CANX: variants seen among roughly 807,000 people sequenced by gnomAD.
CANX encodes calnexin, also known as epididymis secretory sperm binding protein.
Under a neutral mutation model 75.7 loss-of-function variants are expected in CANX, and 14 were observed. The observed-to-expected ratio is 0.19, with a 90% confidence interval of 0.12 to 0.29. CANX has a LOEUF of 0.29. Among genes scored for constraint, CANX ranks in the 10% least tolerant of loss-of-function variants. The pLI, the probability that CANX is intolerant of heterozygous loss-of-function variation, is 1.00. For synonymous variants in CANX, 227 were observed against 236.9 expected (o/e 0.96, Z 0.38); for missense variants, 567 against 713.2 (o/e 0.79, Z 2.34).
chr5:179,710,122 A>C lies in CANX; in HGVS notation c.721+57A>C, dbSNP rs965012264. On this transcript the variant is annotated intron_variant, in intron 7 of 14. Coordinates refer to ENST00000247461, the MANE Select transcript of CANX (RefSeq NM_001746.4). ...GTATTACATATATATCATCCATTTA[A>C]TTTAAAGATTGTATATCTGGCCGGG... The C allele has an allele frequency of 6.2e-5, 67 of 1,088,678 alleles. No individual in the cohort carries two copies. The Middle Eastern group carries it at 1.2e-3, about 19-fold the overall frequency. The allele number at this position is 1,088,678 out of a possible 1,614,324, so 67.4% of individuals were successfully genotyped here.
chr5:179,678,750 CTA>C (rs1227027095), exon 1 of CANX: 2 of 1,537,098 alleles, frequency 1.3e-6, no homozygotes, highest in Non-Finnish European at 1.7e-6. Context: ...GTCAGCATGT[CTA>C]TGAGCAGTTC....
In CANX at chr5:179,716,278, G is replaced by C. The variant is rs766441669; in HGVS notation, c.895G>C (p.Val299Leu). ...ERPKIPDPEA[V>L]KPDDWDEDAP... ...ACCAAAAATCCCAGATCCAGAAGCTGTCAAGCCAGATGACTGGTGAGTCTT... is the reference window on the plus strand; with the variant it reads ...ACCAAAAATCCCAGATCCAGAAGCTCTCAAGCCAGATGACTGGTGAGTCTT... Residue 299 changes from valine (V) to leucine (L), a missense_variant, in exon 8 of 15, where the codon GTC becomes CTC. Physicochemically the swap from Val to Leu is conservative, Grantham distance 32. Coordinates refer to ENST00000247461, the MANE Select transcript of CANX (RefSeq NM_001746.4). 6.2e-7 allele frequency: 1 copy of C among 1,613,960 alleles called. No homozygotes were observed. The highest frequency in any genetic ancestry group is 8.5e-7 in the Non-Finnish European group (1 of 1,179,888).
intron 5 of CANX, 66 bp downstream of exon 5, chr5:179,708,446 T>C: frequency 7.0e-7 from 1 of 1,419,236 alleles, no homozygotes. Context: ...ATTATGTAAC[T>C]TTTACTCTAT....
intron 1 of CANX, among the ~76,000 whole-genome samples, chr5:179,679,856 A>G (rs1370883761): frequency 5.4e-5 from 8 of 147,476 alleles, no homozygotes; most frequent in Non-Finnish European, 1.2e-4. Flanking sequence ...ACGGGGTTTC[A>G]CCATGTTGGC....
intron 1 of CANX, among the ~76,000 whole-genome samples, chr5:179,702,791 C>T (rs1298157003): frequency 6.6e-6 from 1 of 152,030 alleles, no homozygotes; most frequent in Non-Finnish European, 1.5e-5. Flanking sequence ...TTTTTTGAGA[C>T]AGTCTCACTC....
chr5:179,709,690 TTTTAAA>T (rs1777395073), intron 6 of CANX, 177 bp from the exon 7 acceptor site: 3 of 473,768 alleles, frequency 6.3e-6, no homozygotes, highest in Admixed American at 7.8e-5. Context: ...TTAAACGTTA[TTTTAAA>T]TTTACTGATG....
chr5:179,702,245 C>T (rs559465262), intron 1 of CANX, among the ~76,000 whole-genome samples: 16 of 151,280 alleles, frequency 1.1e-4, no homozygotes, highest in Non-Finnish European at 2.2e-4. Flanking sequence ...ATAGATACTT[C>T]GCTTTGTTGC....
At chr5:179,704,956 T>A in intron 1 of CANX, among the ~76,000 whole-genome samples, 1 of 152,174 alleles carries the variant, frequency 6.6e-6, no homozygotes, top group South Asian at 2.1e-4. Context: ...AGCAACCGTA[T>A]CCATATTAAG....
intron 4 of CANX, among the ~76,000 whole-genome samples, chr5:179,707,571 G>A (rs1581854101): frequency 4.5e-5 from 6 of 132,996 alleles, no homozygotes; most frequent in Admixed American, 2.5e-4. Flanking sequence ...GTGACAGAGC[G>A]AGACTCCGTC....
At chr5:179,684,407 T>C (rs553282751) in intron 1 of CANX, among the ~76,000 whole-genome samples, 1,956 of 150,418 alleles carry the variant, frequency 0.013, 33 homozygotes, top group African/African-American at 0.043. Context: ...TTTTTTTTTT[T>C]CAGCTCACTG....
upstream of CANX, chr5:179,698,456 G>C: frequency 7.8e-7 from 1 of 1,288,838 alleles, no homozygotes; most frequent in Non-Finnish European, 1.0e-6. Context: ...GCTGGGTTCT[G>C]CTCACGCCCG....
chr5:179,697,893 A>C (rs757890942), upstream of CANX, among the ~76,000 whole-genome samples: 1 of 152,136 alleles, frequency 6.6e-6, no homozygotes, highest in Non-Finnish European at 1.5e-5. Context: ...GTCTCAAAAA[A>C]ATAAAAATAA....
chr5:179,710,480 G>A (rs1052817636), intron 7 of CANX, among the ~76,000 whole-genome samples: 12 of 150,790 alleles, frequency 8.0e-5, no homozygotes, highest in Admixed American at 2.7e-4. Flanking sequence ...GGCCGAGGCG[G>A]GTGGATCACA....
At chr5:179,723,065 C>T (rs1171133218) in intron 11 of CANX, 46 bp downstream of exon 11, 2 of 1,517,412 alleles carry the variant, frequency 1.3e-6, no homozygotes, top group Non-Finnish European at 1.8e-6. Flanking sequence ...TTGTAAGGAG[C>T]TGTTATTTTG....
At chr5:179,692,426 G>A (rs1776314585) in intron 1 of CANX, among the ~76,000 whole-genome samples, 1 of 152,084 alleles carries the variant, frequency 6.6e-6, no homozygotes, top group Admixed American at 6.6e-5. Context: ...GCTCTTAAAG[G>A]TCTGGGAGCA....
upstream of CANX, among the ~76,000 whole-genome samples, chr5:179,696,990 G>C (rs1458639098): frequency 3.3e-5 from 5 of 152,170 alleles, no homozygotes; most frequent in East Asian, 9.6e-4. Context: ...TGGTGATCCA[G>C]GTTGATGTTA....
chr5:179,719,853 ACT>A (rs1778194695), intron 9 of CANX, 72 bp downstream of exon 9: 3 of 804,736 alleles, frequency 3.7e-6, no homozygotes, highest in Non-Finnish European at 4.1e-6. Context: ...ATGGAGTCTC[ACT>A]CTGTCTCCCA....
At chr5:179,715,824 G>GT (rs1204093584) in intron 7 of CANX, 42,047 of 343,552 alleles carry the variant, frequency 0.12, 1 homozygote, top group South Asian at 0.2. Context: ...TGTTTTTTTT[G>GT]TTTTTTTTTT....
At chr5:179,692,616 C>T (rs1776317594) in intron 1 of CANX, among the ~76,000 whole-genome samples, 1 of 152,106 alleles carries the variant, frequency 6.6e-6, no homozygotes, top group Non-Finnish European at 1.5e-5. Context: ...CAGCCTCAAC[C>T]TCCTGGGCTG....
Sources: gnomAD v4.1 joint callset for allele counts (sites outside exome capture counted in the v4.1 genomes callset) on GRCh38, gnomAD v4.1.1 for gene constraint, MANE v1.5 for transcripts, NCBI Gene and HGNC (gene_info 2026-07-23, HGNC 2026-07-21) for gene names.